Variants in TBC1D22A observed in about 807,000 individuals in gnomAD.
TBC1D22A encodes putative GTPase activator.
TBC1D22A carries 38 observed loss-of-function variants against 60.2 expected under a neutral mutation model. That is an observed-to-expected ratio of 0.63 (90% CI 0.49 to 0.83). TBC1D22A has a LOEUF of 0.83. TBC1D22A is among the 40% of genes least tolerant of loss of function. TBC1D22A has a pLI of 0.00. For synonymous variants in TBC1D22A, 302 were observed against 281.7 expected (o/e 1.07, Z -0.72); for missense variants, 628 against 701.0 (o/e 0.90, Z 1.18).
At chr22:46,857,798 T>G (rs1405703380) in intron 4 of TBC1D22A, among the ~76,000 whole-genome samples, 4 of 152,210 alleles carry the variant, frequency 2.6e-5, no homozygotes, top group African/African-American at 9.6e-5. Context: ...TCATCCGGGT[T>G]GGAGCACGCC....
intron 8 of TBC1D22A, among the ~76,000 whole-genome samples, chr22:46,947,377 C>A (rs763087486): frequency 1.3e-5 from 2 of 152,132 alleles, no homozygotes; most frequent in Non-Finnish European, 2.9e-5. Context: ...AAGGCCCAGG[C>A]CACATGGGGC....
At chr22:46,842,437 T>TG (rs146682259) in intron 4 of TBC1D22A, among the ~76,000 whole-genome samples, 6,085 of 152,320 alleles carry the variant, frequency 0.04, 418 homozygotes, top group African/African-American at 0.14. Flanking sequence ...ATGTTAGGTC[T>TG]CCTCCATCTC....
intron 12 of TBC1D22A, among the ~76,000 whole-genome samples, chr22:47,148,728 C>G (rs2067382585): frequency 6.7e-6 from 1 of 149,880 alleles, no homozygotes; most frequent in Non-Finnish European, 1.5e-5. Context: ...TCCCCTGGGT[C>G]CTCTCCTGGG....
chr22:47,048,143 C>G (rs993898925), intron 11 of TBC1D22A, among the ~76,000 whole-genome samples: 2 of 152,200 alleles, frequency 1.3e-5, no homozygotes, highest in African/African-American at 4.8e-5. Flanking sequence ...ACTCAGCTCT[C>G]TGGGTGTAGT....
chr22:47,069,635 C>A (rs1569415782), intron 11 of TBC1D22A, among the ~76,000 whole-genome samples: 3 of 146,518 alleles, frequency 2.0e-5, no homozygotes, highest in Non-Finnish European at 4.5e-5. Context: ...ACGCTGTTCC[C>A]TGTTTGGATG....
intron 12 of TBC1D22A, among the ~76,000 whole-genome samples, chr22:47,122,777 C>T (rs2066315538): frequency 6.6e-6 from 1 of 152,218 alleles, no homozygotes; most frequent in Non-Finnish European, 1.5e-5. Context: ...CGAGGCATCC[C>T]TCCTCACCCG....
Position 46,861,477 on chromosome 22 carries a change from C to G in TBC1D22A, c.638-17176C>G, listed in dbSNP as rs181551241. On this transcript the variant is annotated intron_variant, in intron 4 of 12. Coordinates refer to ENST00000337137, the MANE Select transcript of TBC1D22A (RefSeq NM_014346.5). ...TGAGCAGCTCAGGTGGCCGGAGACC[C>G]CAGGGGGCCCTCCCCTTTATTCAGA... 2.7e-3 allele frequency among the ~76,000 whole-genome samples: 406 copies of G among 152,282 alleles called. 2 individuals are homozygous for G. Among genetic ancestry groups the G allele is most frequent in the African/African-American group, 9.4e-3 (391 of 41,548 alleles).
chr22:46,994,252 A>G (rs555509056), intron 9 of TBC1D22A, among the ~76,000 whole-genome samples: 1 of 152,308 alleles, frequency 6.6e-6, no homozygotes, highest in African/African-American at 2.4e-5. Flanking sequence ...AGAGCCTAAA[A>G]TCCTGTCTTA....
intron 8 of TBC1D22A, among the ~76,000 whole-genome samples, chr22:46,947,150 G>T (rs934052877): frequency 9.2e-5 from 14 of 152,132 alleles, no homozygotes; most frequent in Non-Finnish European, 1.6e-4. Flanking sequence ...TGAATCGGTA[G>T]AAAGAAATGC....
chr22:47,130,509 T>C (rs1453333728), intron 12 of TBC1D22A, among the ~76,000 whole-genome samples: 1 of 152,140 alleles, frequency 6.6e-6, no homozygotes, highest in Non-Finnish European at 1.5e-5. Flanking sequence ...AGGGTGGAGG[T>C]GGAAGCCACT....
chr22:47,083,959 A>C (rs550832474), intron 11 of TBC1D22A, among the ~76,000 whole-genome samples: 1 of 152,372 alleles, frequency 6.6e-6, no homozygotes, highest in South Asian at 2.1e-4. Context: ...TAAAATTTAC[A>C]AAATTTTGTG....
At chr22:46,795,997 C>T (rs2084633606) in intron 3 of TBC1D22A, among the ~76,000 whole-genome samples, 1 of 152,200 alleles carries the variant, frequency 6.6e-6, no homozygotes, top group Non-Finnish European at 1.5e-5. Flanking sequence ...TGCTGGTTCT[C>T]AGCCCTGTCT....
At chr22:46,839,664 C>T (rs1317489350) in intron 4 of TBC1D22A, among the ~76,000 whole-genome samples, 1 of 152,052 alleles carries the variant, frequency 6.6e-6, no homozygotes, top group Non-Finnish European at 1.5e-5. Flanking sequence ...AAGAATGAAG[C>T]CGGAGCCACC....
chr22:47,164,667 C>T (rs1026862249), intron 12 of TBC1D22A, among the ~76,000 whole-genome samples: 1 of 152,200 alleles, frequency 6.6e-6, no homozygotes, highest in Non-Finnish European at 1.5e-5. Context: ...GAAATGGCCT[C>T]ATTCAGGAAC....
chr22:47,120,856 A>G lies in TBC1D22A; in HGVS notation c.1425+9253A>G, dbSNP rs190203964. ...CCCTATGCTAACAAGTTAACTTAAT[A>G]TGGCCAGAGAGCCCCAGGTGCCTAG... On this transcript the variant is annotated intron_variant, in intron 12 of 12. Coordinates refer to ENST00000337137, the MANE Select transcript of TBC1D22A (RefSeq NM_014346.5). 2.1e-3 allele frequency among the ~76,000 whole-genome samples: 315 copies of G among 152,350 alleles called. 2 individuals carry two copies. The highest frequency in any genetic ancestry group is 7.0e-3 in the African/African-American group (292 of 41,582).
intron 8 of TBC1D22A, among the ~76,000 whole-genome samples, chr22:46,918,599 G>T (rs750564608): frequency 3.3e-5 from 5 of 152,334 alleles, no homozygotes; most frequent in Non-Finnish European, 5.9e-5. Flanking sequence ...ACAACTTCAG[G>T]AAGGAGGGAG....
At chr22:47,102,235 G>T (rs1473018788) in intron 11 of TBC1D22A, among the ~76,000 whole-genome samples, 1 of 152,200 alleles carries the variant, frequency 6.6e-6, no homozygotes, top group African/African-American at 2.4e-5. Flanking sequence ...TTCAGGACAG[G>T]CCTGGTGGCA....
intron 1 of TBC1D22A, among the ~76,000 whole-genome samples, chr22:46,764,805 C>T (rs2083229598): frequency 6.6e-6 from 1 of 152,204 alleles, no homozygotes; most frequent in Non-Finnish European, 1.5e-5. Flanking sequence ...GGGTTGCTGG[C>T]AGCCACCAGA....
chr22:46,974,464 G>A (rs2074211009), intron 9 of TBC1D22A, 65 bp downstream of exon 9: 2 of 1,342,260 alleles, frequency 1.5e-6, no homozygotes, highest in Non-Finnish European at 2.1e-6. Flanking sequence ...AGAGCCTGAG[G>A]CCTTAGGCTG....
Sources: allele counts gnomAD v4.1 joint callset (sites outside exome capture counted in the v4.1 genomes callset), GRCh38; gene constraint gnomAD v4.1.1; transcripts MANE v1.5; gene names NCBI Gene and HGNC (gene_info 2026-07-23, HGNC 2026-07-21).